The following ZNF536 variants were observed in gnomAD, a reference collection of about 807,000 sequenced individuals.
The protein encoded by ZNF536 is zinc finger protein 536.
In ZNF536, 13 loss-of-function variants were observed where a neutral mutation model predicts 84.5. That is an observed-to-expected ratio of 0.15 (90% CI 0.10 to 0.24). The LOEUF (loss-of-function observed/expected upper bound fraction) is 0.24, where lower values mean the gene tolerates loss of function less well. ZNF536 is among the 10% of genes least tolerant of loss of function. The pLI is 1.00. For synonymous variants in ZNF536, 811 were observed against 742.5 expected (o/e 1.09, Z -1.50); for missense variants, 1,536 against 1,747.5 (o/e 0.88, Z 2.16).
At chr19:30,701,284 AAC>A (rs1160944904) in intron 1 of ZNF536, among the ~76,000 whole-genome samples, 1 of 148,408 alleles carries the variant, frequency 6.7e-6, no homozygotes, top group African/African-American at 2.5e-5. Flanking sequence ...GACGCATACA[AAC>A]ACAAACACAC....
At chr19:30,232,145 G>A (rs564287388) in intron 1 of ZNF536, among the ~76,000 whole-genome samples, 1 of 152,192 alleles carries the variant, frequency 6.6e-6, no homozygotes, top group South Asian at 2.1e-4. Context: ...GCCCACCTGG[G>A]GTGGGCGTGG....
chr19:30,525,693 C>T (rs940939651), intron 2 of ZNF536, among the ~76,000 whole-genome samples: 5 of 152,092 alleles, frequency 3.3e-5, no homozygotes, highest in African/African-American at 1.2e-4. Flanking sequence ...AGAGAGGTGA[C>T]TTTTACACGA....
intron 1 of ZNF536, among the ~76,000 whole-genome samples, chr19:30,684,234 AAGTG>A (rs1187773538): frequency 1.3e-5 from 2 of 152,104 alleles, no homozygotes; most frequent in Non-Finnish European, 2.9e-5. Context: ...TCCTGGGCTC[AAGTG>A]ATCCTCCCAC....
intron 1 of ZNF536, among the ~76,000 whole-genome samples, chr19:30,588,051 C>T (rs1481669488): frequency 6.6e-6 from 1 of 152,256 alleles, no homozygotes; most frequent in African/African-American, 2.4e-5. Context: ...GCAAAGTGCA[C>T]TCAGTCTTCA....
At chr19:30,314,198 C>T (rs1025863237) in intron 2 of ZNF536, among the ~76,000 whole-genome samples, 1 of 152,076 alleles carries the variant, frequency 6.6e-6, no homozygotes, top group African/African-American at 2.4e-5. Flanking sequence ...CTGGGGGCCC[C>T]GGGGACCCCT....
At chr19:30,663,821 G>T (rs987434784) in intron 1 of ZNF536, among the ~76,000 whole-genome samples, 2 of 152,132 alleles carry the variant, frequency 1.3e-5, no homozygotes, top group Non-Finnish European at 2.9e-5. Flanking sequence ...TTAAAAAATA[G>T]GCATGTTTTT....
intron 2 of ZNF536, among the ~76,000 whole-genome samples, chr19:30,339,399 C>G (rs865832859): frequency 1.3e-5 from 2 of 152,174 alleles, no homozygotes; most frequent in Non-Finnish European, 2.9e-5. Context: ...TGACCCCACC[C>G]GAGGAGCCTC....
At chr19:30,559,037 CT>C (rs1257961156), downstream of ZNF536, among the ~76,000 whole-genome samples, 1 of 152,186 alleles carries the variant, frequency 6.6e-6, no homozygotes, top group African/African-American at 2.4e-5. Flanking sequence ...CTCATAAAAC[CT>C]TTTCAAGTGA....
intron 1 of ZNF536, among the ~76,000 whole-genome samples, chr19:30,699,495 G>T (rs1387792977): frequency 3.3e-5 from 5 of 152,080 alleles, no homozygotes; most frequent in Non-Finnish European, 2.9e-5. Flanking sequence ...TTGTACTAAG[G>T]ATATTCCAAA....
chr19:30,225,941 TG>T (rs1168775548), upstream of ZNF536, among the ~76,000 whole-genome samples: 1 of 56,026 alleles, frequency 1.8e-5, no homozygotes, highest in Non-Finnish European at 3.5e-5. Flanking sequence ...TGTCAGCGGG[TG>T]GGGGGTGGGG....
intron 2 of ZNF536, among the ~76,000 whole-genome samples, chr19:30,334,253 A>G (rs2047308094): frequency 6.6e-6 from 1 of 152,212 alleles, no homozygotes; most frequent in Non-Finnish European, 1.5e-5. Flanking sequence ...ATGGCCTCCA[A>G]ATTGGACCCA....
intron 1 of ZNF536, among the ~76,000 whole-genome samples, chr19:30,255,964 G>A (rs1261058721): frequency 6.6e-6 from 1 of 152,220 alleles, no homozygotes; most frequent in Non-Finnish European, 1.5e-5. Context: ...TGGGCTGGGG[G>A]GAGAGTGCTG....
At chr19:30,274,313 G>C (rs2026010356) in intron 1 of ZNF536, among the ~76,000 whole-genome samples, 1 of 152,330 alleles carries the variant, frequency 6.6e-6, no homozygotes, top group East Asian at 1.9e-4. Context: ...CTGCACAATA[G>C]AAATATAGTG....
intron 1 of ZNF536, among the ~76,000 whole-genome samples, chr19:30,382,628 T>C (rs1443386227): frequency 6.6e-6 from 1 of 152,118 alleles, no homozygotes; most frequent in Non-Finnish European, 1.5e-5. Context: ...TGCGTGTTTT[T>C]GGTCCCACTT....
intron 3 of ZNF536, among the ~76,000 whole-genome samples, chr19:30,352,866 T>A (rs1023995979): frequency 6.6e-6 from 1 of 152,248 alleles, no homozygotes; most frequent in Non-Finnish European, 1.5e-5. Context: ...GAGGTGCTGC[T>A]AACATATTCT....
At chr19:30,367,179 C>T (rs1398246095) in intron 3 of ZNF536, among the ~76,000 whole-genome samples, 1 of 152,216 alleles carries the variant, frequency 6.6e-6, no homozygotes, top group Admixed American at 6.5e-5. Context: ...AGACCCTCCG[C>T]CACATCCCTT....
chr19:30,392,537 C>G (rs1336392441), intron 1 of ZNF536, among the ~76,000 whole-genome samples: 1 of 152,178 alleles, frequency 6.6e-6, no homozygotes, highest in African/African-American at 2.4e-5. Flanking sequence ...AATGCCACGG[C>G]CTCCCAACTG....
chr19:30,611,908 T>G (rs537242853), intron 1 of ZNF536, among the ~76,000 whole-genome samples: 1 of 152,300 alleles, frequency 6.6e-6, no homozygotes, highest in African/African-American at 2.4e-5. Context: ...AAAATAATTT[T>G]CATCTCTTAA....
intron 1 of ZNF536, among the ~76,000 whole-genome samples, chr19:30,420,980 A>G (rs2050932635): frequency 2.0e-5 from 3 of 152,054 alleles, no homozygotes; most frequent in Non-Finnish European, 4.4e-5. Flanking sequence ...CTTCACTTAC[A>G]CGCTGAGGTT....
Sources: allele counts gnomAD v4.1 joint callset (sites outside exome capture counted in the v4.1 genomes callset), GRCh38; gene constraint gnomAD v4.1.1; transcripts MANE v1.5; gene names NCBI Gene and HGNC (gene_info 2026-07-23, HGNC 2026-07-21).